Variants in CHN2 observed in about 807,000 individuals in gnomAD.
The protein encoded by CHN2 is beta-chimaerin.
A neutral mutation model predicts 56.3 loss-of-function variants in CHN2; 35 were observed. The observed-to-expected ratio is 0.62, with a 90% CI of 0.47 to 0.82. The LOEUF (loss-of-function observed/expected upper bound fraction) is 0.82, where lower values mean the gene tolerates loss of function less well. Ranked by LOEUF, CHN2 falls within the 40% of genes least tolerant of loss-of-function variation. The pLI, the probability that CHN2 is intolerant of heterozygous loss-of-function variation, is 0.00. For missense variants in CHN2, 491 were observed against 580.5 expected (o/e 0.85, Z 1.58); for synonymous variants, 210 against 212.8 (o/e 0.99, Z 0.12).
At chr7:29,180,823 C>A (rs1035109486) in intron 2 of CHN2, among the ~76,000 whole-genome samples, 1 of 152,124 alleles carries the variant, frequency 6.6e-6, no homozygotes, top group Non-Finnish European at 1.5e-5. Context: ...GGACAAGACT[C>A]GTATCATCCG....
chr7:29,180,951 C>G (rs1272192865), intron 2 of CHN2, among the ~76,000 whole-genome samples: 1 of 152,138 alleles, frequency 6.6e-6, no homozygotes, highest in Non-Finnish European at 1.5e-5. Flanking sequence ...ATCACTGGTA[C>G]CCAGTACTTA....
chr7:29,314,193 T>A (rs1585036009), intron 1 of CHN2, among the ~76,000 whole-genome samples: 2 of 152,318 alleles, frequency 1.3e-5, no homozygotes, highest in Middle Eastern at 6.8e-3. Flanking sequence ...CTACATACAA[T>A]AGAATGTTAT....
chr7:29,360,451 C>A (rs906158088), intron 2 of CHN2, among the ~76,000 whole-genome samples: 1 of 152,110 alleles, frequency 6.6e-6, no homozygotes, highest in Non-Finnish European at 1.5e-5. Flanking sequence ...AGCCAGGAGG[C>A]AGAGGTTGTG....
At chr7:29,289,968 G>A (rs1466996521) in intron 1 of CHN2, among the ~76,000 whole-genome samples, 1 of 152,172 alleles carries the variant, frequency 6.6e-6, no homozygotes, top group Non-Finnish European at 1.5e-5. Flanking sequence ...TCTTACAGAT[G>A]GAGCATGCAC....
intron 6 of CHN2, among the ~76,000 whole-genome samples, chr7:29,415,384 G>A (rs78863878): frequency 1.3e-5 from 2 of 152,186 alleles, no homozygotes; most frequent in Non-Finnish European, 2.9e-5. Context: ...GGCTCAAGTG[G>A]GGAGTTCCCA....
At chr7:29,414,112 G>A (rs1174773695) in intron 6 of CHN2, among the ~76,000 whole-genome samples, 1 of 152,178 alleles carries the variant, frequency 6.6e-6, no homozygotes, top group Non-Finnish European at 1.5e-5. Flanking sequence ...AAGGTGATGA[G>A]TCTGAAATGT....
chr7:29,152,963 C>T (rs1475592136), intron 2 of CHN2, among the ~76,000 whole-genome samples: 1 of 152,248 alleles, frequency 6.6e-6, no homozygotes, highest in Non-Finnish European at 1.5e-5. Context: ...TGGAGTCATC[C>T]TCTATCTGAG....
At chr7:29,235,877 CG>C (rs1787155870) in intron 1 of CHN2, among the ~76,000 whole-genome samples, 1 of 152,060 alleles carries the variant, frequency 6.6e-6, no homozygotes. Flanking sequence ...GGCACTGGGC[CG>C]GCTTGAAGGT....
chr7:29,185,882 T>C (rs2128748521), intron 2 of CHN2, among the ~76,000 whole-genome samples: 1 of 152,234 alleles, frequency 6.6e-6, no homozygotes, highest in East Asian at 1.9e-4. Flanking sequence ...TGCACAGCCC[T>C]GTCCTATGTG....
At chr7:29,416,228 C>T (rs1280240632) in intron 6 of CHN2, among the ~76,000 whole-genome samples, 1 of 152,156 alleles carries the variant, frequency 6.6e-6, no homozygotes, top group Non-Finnish European at 1.5e-5. Flanking sequence ...TAGTATATGC[C>T]TTTCTCAGAA....
intron 1 of CHN2, among the ~76,000 whole-genome samples, chr7:29,334,727 GC>G (rs1796484708): frequency 6.6e-6 from 1 of 152,162 alleles, no homozygotes; most frequent in Admixed American, 6.5e-5. Context: ...CTGCACTCCA[GC>G]CTGGGCGACA....
chr7:29,281,447 TCA>T (rs1268360546), intron 1 of CHN2, among the ~76,000 whole-genome samples: 3 of 152,202 alleles, frequency 2.0e-5, no homozygotes, highest in Admixed American at 1.3e-4. Flanking sequence ...CTGCCTCATT[TCA>T]CACACATGTG....
At chr7:29,252,574 C>CTTTTTTT (rs150230689) in intron 1 of CHN2, among the ~76,000 whole-genome samples, 6 of 19,300 alleles carry the variant, frequency 3.1e-4, no homozygotes, top group South Asian at 1.6e-3. Context: ...AAATTGCATT[C>CTTTTTTT]TTTGTTTTTT....
chr7:29,507,197 A>G, intron 10 of CHN2, 31 bp from the exon 11 acceptor site: 6 of 1,584,326 alleles, frequency 3.8e-6, no homozygotes, highest in Non-Finnish European at 5.1e-6. Flanking sequence ...TAAGGTCCTA[A>G]TTAGGACTTG....
intron 7 of CHN2, 78 bp from the exon 8 acceptor site, chr7:29,495,874 C>G (rs1315650335): frequency 1.5e-5 from 18 of 1,218,894 alleles, no homozygotes; most frequent in Non-Finnish European, 1.9e-5. Flanking sequence ...TCCTGCTGAT[C>G]TTCATTGACA....
At chr7:29,178,664 A>G (rs1797686533) in intron 2 of CHN2, among the ~76,000 whole-genome samples, 1 of 152,156 alleles carries the variant, frequency 6.6e-6, no homozygotes, top group South Asian at 2.1e-4. Context: ...TTATTGTTAT[A>G]TTCTCAGGGT....
chr7:29,464,181 T>G (rs1340369572), intron 6 of CHN2, among the ~76,000 whole-genome samples: 1 of 152,200 alleles, frequency 6.6e-6, no homozygotes, highest in Non-Finnish European at 1.5e-5. Flanking sequence ...TATTTTGTTT[T>G]GGGCACTAGA....
At chr7:29,191,266 C>A (rs1337237166), upstream of CHN2, among the ~76,000 whole-genome samples, 1 of 152,086 alleles carries the variant, frequency 6.6e-6, no homozygotes, top group Non-Finnish European at 1.5e-5. Context: ...AAATATATAC[C>A]AAAAGTACCA....
intron 6 of CHN2, among the ~76,000 whole-genome samples, chr7:29,418,126 C>T (rs572911867): frequency 6.6e-6 from 1 of 152,390 alleles, no homozygotes; most frequent in African/African-American, 2.4e-5. Flanking sequence ...ACAAAATGAG[C>T]CTCCACGTCG....
Sources: gnomAD v4.1 joint callset for allele counts (sites outside exome capture counted in the v4.1 genomes callset) on GRCh38, gnomAD v4.1.1 for gene constraint, MANE v1.5 for transcripts, NCBI Gene and HGNC (gene_info 2026-07-23, HGNC 2026-07-21) for gene names.